The following RYK variants were observed in gnomAD, a reference collection of about 807,000 sequenced individuals.
RYK encodes the protein receptor like tyrosine kinase.
In RYK, 21 loss-of-function variants were observed where a neutral mutation model predicts 70.2. The ratio of observed to expected loss-of-function variants is 0.30; its 90% CI spans 0.21 to 0.43. The LOEUF is 0.43. Among genes scored for constraint, RYK ranks in the 20% least tolerant of loss-of-function variants. RYK has a pLI of 1.00. For missense variants in RYK, 604 were observed against 753.3 expected (o/e 0.80, Z 2.32); for synonymous variants, 267 against 278.0 (o/e 0.96, Z 0.39).
At chr3:134,191,272 C>T (rs1166265641) in intron 8 of RYK, among the ~76,000 whole-genome samples, 1 of 152,222 alleles carries the variant, frequency 6.6e-6, no homozygotes, top group Non-Finnish European at 1.5e-5. Context: ...GGGAAGCATA[C>T]TAACACCTGG....
intron 7 of RYK, among the ~76,000 whole-genome samples, chr3:134,192,269 T>C (rs1240074213): frequency 6.6e-6 from 1 of 152,148 alleles, no homozygotes; most frequent in Non-Finnish European, 1.5e-5. Flanking sequence ...TTTAGCCAAA[T>C]GAAACAAGCT....
chr3:134,178,301 A>T, intron 10 of RYK: 1 of 386,140 alleles, frequency 2.6e-6, no homozygotes, highest in Non-Finnish European at 4.5e-6. Flanking sequence ...GGGAAAAATC[A>T]TAAACTCAAA....
intron 1 of RYK, among the ~76,000 whole-genome samples, chr3:134,225,492 G>A (rs1473603329): frequency 6.0e-5 from 9 of 150,590 alleles, no homozygotes; most frequent in South Asian, 2.1e-4. Flanking sequence ...AAAAACCAAC[G>A]GACAAAAAGG....
intron 5 of RYK, among the ~76,000 whole-genome samples, chr3:134,203,892 A>G (rs2014112549): frequency 6.6e-6 from 1 of 152,196 alleles, no homozygotes; most frequent in South Asian, 2.1e-4. Context: ...AAACTGAGGA[A>G]CTGATGTTTT....
At chr3:134,188,494 G>A (rs553736389) in intron 9 of RYK, among the ~76,000 whole-genome samples, 1 of 152,188 alleles carries the variant, frequency 6.6e-6, no homozygotes, top group East Asian at 1.9e-4. Flanking sequence ...ACACCCTTAG[G>A]CCAGCAATTC....
chr3:134,226,204 A>G (rs1028098252), intron 1 of RYK, among the ~76,000 whole-genome samples: 62 of 152,154 alleles, frequency 4.1e-4, no homozygotes, highest in Admixed American at 1.1e-3. Context: ...TAGGAATGAA[A>G]ATGAAACATT....
chr3:134,165,960 T>G (rs547788406), intron 13 of RYK, among the ~76,000 whole-genome samples: 112 of 152,364 alleles, frequency 7.4e-4, no homozygotes, highest in Middle Eastern at 3.4e-3. Context: ...GACATTTAAA[T>G]GACACTTTGG....
At chr3:134,173,775 G>GA (rs1207252545) in intron 13 of RYK, among the ~76,000 whole-genome samples, 3 of 151,766 alleles carry the variant, frequency 2.0e-5, no homozygotes, top group Admixed American at 6.6e-5. Context: ...TTCTAAAAAG[G>GA]AAAAAAAATT....
intron 1 of RYK, among the ~76,000 whole-genome samples, chr3:134,245,219 C>G (rs950332787): frequency 6.6e-6 from 1 of 152,140 alleles, no homozygotes; most frequent in African/African-American, 2.4e-5. Context: ...ACTACTACAA[C>G]CACCATTAAC....
intron 1 of RYK, among the ~76,000 whole-genome samples, chr3:134,223,381 T>C (rs1312531963): frequency 3.3e-5 from 5 of 152,208 alleles, no homozygotes; most frequent in East Asian, 1.9e-4. Context: ...TTAAAACTTA[T>C]TTAATTTGTT....
intron 9 of RYK, among the ~76,000 whole-genome samples, chr3:134,187,756 T>A (rs1576510773): frequency 6.6e-6 from 1 of 150,612 alleles, no homozygotes; most frequent in East Asian, 2.0e-4. Context: ...CGGGGGGTCT[T>A]GCTATATCGC....
chr3:134,215,503 C>G (rs1485137842), intron 2 of RYK, among the ~76,000 whole-genome samples: 1 of 152,202 alleles, frequency 6.6e-6, no homozygotes, highest in Non-Finnish European at 1.5e-5. Context: ...TCTCTTTTCC[C>G]TCTGCAGTCT....
chr3:134,160,105 G>A (rs1027241919), intron 13 of RYK, among the ~76,000 whole-genome samples: 1 of 152,218 alleles, frequency 6.6e-6, no homozygotes, highest in Non-Finnish European at 1.5e-5. Context: ...GCCGCCAAGT[G>A]TGAACCCTGA....
At chr3:134,224,390 G>T (rs2014829348) in intron 1 of RYK, among the ~76,000 whole-genome samples, 1 of 152,174 alleles carries the variant, frequency 6.6e-6, no homozygotes, top group Non-Finnish European at 1.5e-5. Context: ...TTCTCGGAGA[G>T]ATCAAAGATT....
rs73215380 is a variant in RYK at position 134,227,143 on chromosome 3, C to G, written c.233-4604G>C. Among the ~76,000 whole-genome samples, 1,218 of 152,104 alleles carry G rather than the reference C, an allele frequency of 8.0e-3. 5 individuals are homozygous for G. Among genetic ancestry groups the G allele is most frequent in the Non-Finnish European group, 0.012 (793 of 67,958 alleles). ...ATCAATTGTATTTCTATATTAGCAA[C>G]AACTAGAAAATAAAACTTAAAAAAT... is the stretch of plus-strand genomic sequence containing the variant. On this transcript the variant is annotated intron_variant, in intron 1 of 14. Coordinates refer to ENST00000623711, the MANE Select transcript of RYK (RefSeq NM_002958.4).
intron 13 of RYK, among the ~76,000 whole-genome samples, chr3:134,172,590 C>T (rs1296604480): frequency 2.6e-5 from 4 of 152,118 alleles, no homozygotes; most frequent in African/African-American, 7.2e-5. Flanking sequence ...GCTTTCCCTT[C>T]GTATGTCATT....
chr3:134,207,087 A>C (rs1044618145), intron 5 of RYK, among the ~76,000 whole-genome samples: 16 of 152,288 alleles, frequency 1.1e-4, no homozygotes, highest in African/African-American at 3.9e-4. Context: ...AATATCTTTA[A>C]GCTTACACCT....
At chr3:134,193,769 A>G (rs1203522545) in intron 7 of RYK, among the ~76,000 whole-genome samples, 2 of 151,866 alleles carry the variant, frequency 1.3e-5, no homozygotes, top group African/African-American at 2.4e-5. Flanking sequence ...TTTTCTTGCC[A>G]CTGTCTTATT....
Position 134,207,486 on chromosome 3 carries a change from G to A in RYK, c.629C>T (p.Thr210Ile), listed in dbSNP as rs1273942929. The change falls in exon 5 of 15, where the codon ACT (threonine) becomes ATT (isoleucine). Residue 210 changes from threonine (T) to isoleucine (I), a missense_variant. By Grantham distance (89) the Thr-to-Ile change is moderately conservative (BLOSUM62 -1). This residue lies in a region of RYK where 466 missense variants were observed against 535.9 expected (regional missense o/e 0.87). Transcript: ENST00000623711. ...EVKTSALDKN[T>I]SRTIYDPVHA... ...GTAACACTTACAAATAGTTCTGCTA[G>A]TGTTTTTGTCCAAGGCTGAAGTTTT... 9 of 1,540,616 alleles carry A rather than the reference G, an allele frequency of 5.8e-6. No individual in the cohort carries two copies. Among genetic ancestry groups the A allele is most frequent in the African/African-American group, 4.1e-5 (3 of 72,982 alleles).
Sources: gnomAD v4.1 joint callset for allele counts (sites outside exome capture counted in the v4.1 genomes callset) on GRCh38, gnomAD v4.1.1 for gene constraint, gnomAD v4.1.1 regional missense constraint, MANE v1.5 for transcripts, NCBI Gene and HGNC (gene_info 2026-07-23, HGNC 2026-07-21) for gene names.